Variants in SH3RF3 observed in about 807,000 individuals in gnomAD.
SH3RF3 encodes the protein SH3 domain containing ring finger 3.
Under a neutral mutation model 66.3 loss-of-function variants are expected in SH3RF3, and 29 were observed. The ratio of observed to expected loss-of-function variants is 0.44; its 90% CI spans 0.33 to 0.60. The LOEUF (loss-of-function observed/expected upper bound fraction) is 0.60. Among genes scored for constraint, SH3RF3 ranks in the 20% least tolerant of loss-of-function variants. The pLI, the probability that SH3RF3 is intolerant of heterozygous loss-of-function variation, is 0.04. For missense variants in SH3RF3, 1,194 were observed against 1,190.9 expected (o/e 1.00, Z -0.04); for synonymous variants, 583 against 532.0 (o/e 1.10, Z -1.32).
chr2:109,198,946 A>G lies in SH3RF3; in HGVS notation c.573+68833A>G, dbSNP rs377108796. Among the ~76,000 whole-genome samples the G allele has an allele frequency of 2.8e-4, 43 of 152,300 alleles. No homozygotes were observed. In the East Asian group the frequency reaches 7.9e-3, roughly 28 times the overall value. ...AAAGGTACAGTAAAAATACAGTCTTATGGGACCCCATGGTATATGCAGTCA... is the reference window on the plus strand; with the variant it reads ...AAAGGTACAGTAAAAATACAGTCTTGTGGGACCCCATGGTATATGCAGTCA... On this transcript the variant is annotated intron_variant, in intron 1 of 9. Coordinates refer to ENST00000309415, the MANE Select transcript of SH3RF3 (RefSeq NM_001099289.3).
At chr2:109,337,984 G>A (rs958096916) in intron 1 of SH3RF3, among the ~76,000 whole-genome samples, 13 of 152,002 alleles carry the variant, frequency 8.6e-5, no homozygotes, top group East Asian at 5.8e-4. Context: ...TGCCTGCTGC[G>A]GCCTCCCAAA....
At chr2:109,463,267 A>G (rs1468472622) in intron 8 of SH3RF3, among the ~76,000 whole-genome samples, 1 of 152,242 alleles carries the variant, frequency 6.6e-6, no homozygotes, top group Non-Finnish European at 1.5e-5. Flanking sequence ...GCCAGTTGCC[A>G]GTTGATTACT....
intron 1 of SH3RF3, among the ~76,000 whole-genome samples, chr2:109,200,928 T>C (rs1678655451): frequency 6.6e-6 from 1 of 152,140 alleles, no homozygotes; most frequent in South Asian, 2.1e-4. Context: ...GCTGTTGGGA[T>C]AGTGCAGACC....
intron 4 of SH3RF3, among the ~76,000 whole-genome samples, chr2:109,416,422 C>G (rs1443600701): frequency 6.6e-6 from 1 of 152,086 alleles, no homozygotes; most frequent in African/African-American, 2.4e-5. Flanking sequence ...TGGCGAAACC[C>G]CCCCGTTTCT....
chr2:109,471,099 A>C (rs1321665541), intron 8 of SH3RF3, among the ~76,000 whole-genome samples: 1 of 151,724 alleles, frequency 6.6e-6, no homozygotes, highest in Admixed American at 6.6e-5. Flanking sequence ...AGGTGCCTCT[A>C]ATCCCAGCTA....
intron 1 of SH3RF3, among the ~76,000 whole-genome samples, chr2:109,173,582 G>A (rs868420869): frequency 2.4e-4 from 36 of 152,254 alleles, no homozygotes; most frequent in African/African-American, 7.9e-4. Flanking sequence ...TGCGGGGAAG[G>A]CCACACAGAC....
At chr2:109,361,442 G>A (rs1404208989) in intron 2 of SH3RF3, among the ~76,000 whole-genome samples, 1 of 152,018 alleles carries the variant, frequency 6.6e-6, no homozygotes, top group Non-Finnish European at 1.5e-5. Flanking sequence ...TCTGGTCCTG[G>A]TTCTTTCTGT....
At chr2:109,357,225 A>G (rs1327657398) in intron 2 of SH3RF3, among the ~76,000 whole-genome samples, 2 of 151,618 alleles carry the variant, frequency 1.3e-5, no homozygotes, top group Non-Finnish European at 2.9e-5. Context: ...TCTGTCGCCC[A>G]GGCTGGAGTG....
At position 109,501,705 on chromosome 2, in the gene SH3RF3, G is replaced by C; in HGVS notation, c.*34G>C. 1 of 728,008 alleles carries C rather than the reference G, an allele frequency of 1.4e-6. No individual in the cohort carries two copies. The highest frequency in any genetic ancestry group is 2.6e-5 in the East Asian group (1 of 38,268). 45.1% of individuals were successfully genotyped at this position (728,008 alleles called of 1,614,324 possible). The stretch of plus-strand genomic sequence containing the variant: ...GCTCCCTGCACCCAGCTCACAGAGG[G>C]GGAGGCCGCCTGGGAAGCTCCACGG... On this transcript the variant is annotated 3_prime_UTR_variant, in exon 10 of 10. Coordinates refer to ENST00000309415, the MANE Select transcript of SH3RF3 (RefSeq NM_001099289.3).
chr2:109,170,261 T>TCTCCTCTC (rs1553479465), intron 1 of SH3RF3, among the ~76,000 whole-genome samples: 1 of 55,190 alleles, frequency 1.8e-5, no homozygotes, highest in African/African-American at 5.3e-5. Flanking sequence ...TCTCTTCTCT[T>TCTCCTCTC]CTCTTCTCTT....
intron 4 of SH3RF3, among the ~76,000 whole-genome samples, chr2:109,399,678 G>A (rs1254719948): frequency 2.0e-5 from 3 of 152,252 alleles, no homozygotes; most frequent in African/African-American, 7.2e-5. Context: ...ACAATATTTA[G>A]TAAGTACTTG....
chr2:109,176,796 T>G (rs1270400090), intron 1 of SH3RF3, among the ~76,000 whole-genome samples: 1 of 152,140 alleles, frequency 6.6e-6, no homozygotes, highest in Non-Finnish European at 1.5e-5. Flanking sequence ...TGGCAGAAGT[T>G]AGGCTCAGCC....
At chr2:109,258,315 A>G (rs1034700736) in intron 1 of SH3RF3, among the ~76,000 whole-genome samples, 2 of 152,182 alleles carry the variant, frequency 1.3e-5, no homozygotes, top group Admixed American at 6.5e-5. Context: ...GCCAGTCAGG[A>G]GGTCTTGTCC....
intron 5 of SH3RF3, 59 bp downstream of exon 5, chr2:109,419,701 G>A: frequency 6.7e-7 from 1 of 1,498,996 alleles, no homozygotes; most frequent in Non-Finnish European, 9.0e-7. Context: ...TCCTGCCTGG[G>A]CTGACCTGTC....
rs777768216 is a variant in SH3RF3 at position 109,297,110 on chromosome 2, C to T, written c.574-50564C>T. 1.3e-4 allele frequency among the ~76,000 whole-genome samples: 20 copies of T among 151,874 alleles called. No individual in the cohort carries two copies. In the East Asian group the frequency reaches 2.9e-3, roughly 22 times the overall value. Reference sequence around the variant, plus strand: ...GGTGACCGGGATGGGAAGCCCAATACGGCTCCACAGAGAGTAAGAAAGCTG... The same window carrying T: ...GGTGACCGGGATGGGAAGCCCAATATGGCTCCACAGAGAGTAAGAAAGCTG... On this transcript the variant is annotated intron_variant, in intron 1 of 9. Transcript: ENST00000309415.
At position 109,449,474 on chromosome 2, in the gene SH3RF3, G is replaced by A. The variant is rs776994610; in HGVS notation, c.2133G>A (p.Glu711=). 1.9e-6 allele frequency: 3 copies of A among 1,613,950 alleles called. No individual in the cohort carries two copies. Among genetic ancestry groups the A allele is most frequent in the African/African-American group, 2.7e-5 (2 of 75,062 alleles). The part of the protein sequence containing the change: ...SPTNTGCKLD[E]KKSEKKEKKS... ...CCAACACGGGATGCAAACTAGACGA[G>A]AAGAAAAGTGAAAAGGTAAGAGGCC... The change falls in exon 8 of 10, where the codon GAG becomes GAA. Residue 711 remains glutamate, a synonymous_variant. Coordinates refer to ENST00000309415, the MANE Select transcript of SH3RF3 (RefSeq NM_001099289.3).
intron 8 of SH3RF3, among the ~76,000 whole-genome samples, chr2:109,474,077 CT>C (rs1678607852): frequency 6.6e-6 from 1 of 152,146 alleles, no homozygotes; most frequent in African/African-American, 2.4e-5. Flanking sequence ...GGGTTCGTGG[CT>C]TCCATTTGAT....
At chr2:109,402,614 C>G (rs1676345185) in intron 4 of SH3RF3, among the ~76,000 whole-genome samples, 1 of 152,222 alleles carries the variant, frequency 6.6e-6, no homozygotes, top group Non-Finnish European at 1.5e-5. Context: ...TCTCACAGTC[C>G]CCTCGGGACC....
At chr2:109,299,986 C>T (rs938958446) in intron 1 of SH3RF3, among the ~76,000 whole-genome samples, 3 of 152,166 alleles carry the variant, frequency 2.0e-5, no homozygotes, top group African/African-American at 7.2e-5. Context: ...TTATTTATTT[C>T]GCTCTTTCTT....
Sources: gnomAD v4.1 joint callset for allele counts (sites outside exome capture counted in the v4.1 genomes callset) on GRCh38, gnomAD v4.1.1 for gene constraint, MANE v1.5 for transcripts, NCBI Gene and HGNC (gene_info 2026-07-23, HGNC 2026-07-21) for gene names.